MRPS24: variants seen among roughly 807,000 people sequenced by gnomAD.
The protein encoded by MRPS24 is small ribosomal subunit protein uS3m.
Under a neutral mutation model 21.8 loss-of-function variants are expected in MRPS24, and 15 were observed. That is an observed-to-expected ratio of 0.69 (90% CI 0.46 to 1.06). The LOEUF (loss-of-function observed/expected upper bound fraction) is 1.06. Among genes scored for constraint, MRPS24 ranks in the 50% least tolerant of loss-of-function variants. MRPS24 has a pLI of 0.00. For missense variants in MRPS24, 224 were observed against 219.1 expected (o/e 1.02, Z -0.14); for synonymous variants, 93 against 93.7 (o/e 0.99, Z 0.04).
chr7:43,869,439 C>T lies in MRPS24; in HGVS notation c.39+18G>A, dbSNP rs1443471179. 6.4e-7 allele frequency: 1 copy of T among 1,557,824 alleles called. No homozygotes were observed. Among genetic ancestry groups the T allele is most frequent in the Non-Finnish European group, 8.7e-7 (1 of 1,151,634 alleles). ...CCCACCTCCGACTCGCAGGGACCTG[C>T]CGAGTCGCCCCACTCACCCGTGGCC... On this transcript the variant is annotated intron_variant, in intron 1 of 3. Transcript: ENST00000317534. This position sits in a 1 kb window ranked among gnomAD's most constrained non-coding sequence, Gnocchi z 4.8.
At position 43,866,585 on chromosome 7, in the gene MRPS24, AG is replaced by A; in HGVS notation, c.*113del. ...AGATAGAAGGTCTTTATTCAATAGC[AG>A]ATGAGAGACTATGCCTCAGTCCTCT... On this transcript the variant is annotated 3_prime_UTR_variant, in exon 4 of 4. Transcript: ENST00000317534. 1.7e-6 allele frequency: 2 copies of A among 1,179,642 alleles called. No individual in the cohort carries two copies. Among genetic ancestry groups the A allele is most frequent in the African/African-American group, 3.1e-5 (2 of 65,564 alleles). 73.1% of individuals were successfully genotyped at this position (1,179,642 alleles called of 1,614,324 possible).
rs2095836937 is a variant in MRPS24 at position 43,866,993 on chromosome 7, A to C, written c.221-11T>G. Reference sequence around the variant, plus strand: ...CTCCATCCAGGTTACCTGAAGAGGGAAGGGCATAATAGAAGAATCAGCCTC... The same window carrying C: ...CTCCATCCAGGTTACCTGAAGAGGGCAGGGCATAATAGAAGAATCAGCCTC... On this transcript the variant is annotated splice_polypyrimidine_tract_variant and intron_variant, in intron 3 of 3. Coordinates refer to ENST00000317534, the MANE Select transcript of MRPS24 (RefSeq NM_032014.3). 11 of 1,613,414 alleles carry C rather than the reference A, an allele frequency of 6.8e-6. No individual in the cohort carries two copies. Among genetic ancestry groups the C allele is most frequent in the Non-Finnish European group, 9.3e-6 (11 of 1,179,570 alleles).
chr7:43,868,838 T>G (rs2132633573), intron 3 of MRPS24, 125 bp downstream of exon 3: 1 of 1,207,100 alleles, frequency 8.3e-7, no homozygotes, highest in Middle Eastern at 2.0e-4. Flanking sequence ...CTCCCTTGAG[T>G]TGGTTTCATA....
In MRPS24 at chr7:43,866,888, A is replaced by C. The variant is rs1199265656; in HGVS notation, c.315T>G (p.Ala105=). ...CCCGGCGCTTTAAAACCAGCTGGTC[A>C]GCCAGGCAGCCTGGGAAGGTACCCC... is the stretch of plus-strand genomic sequence containing the variant. ...FMWGTFPGCL[A]DQLVLKRRGN... Residue 105 remains alanine (A), a synonymous_variant, in exon 4 of 4, where the codon GCT becomes GCG. Coordinates refer to ENST00000317534, the MANE Select transcript of MRPS24 (RefSeq NM_032014.3). 6.2e-7 allele frequency: 1 copy of C among 1,614,120 alleles called. No homozygotes were observed. Among genetic ancestry groups the C allele is most frequent in the Non-Finnish European group, 8.5e-7 (1 of 1,180,044 alleles).
intron 3 of MRPS24, chr7:43,868,753 GAAA>G: frequency 1.8e-6 from 1 of 550,602 alleles, no homozygotes; most frequent in Non-Finnish European, 3.0e-6. Flanking sequence ...GCCTGCCATG[GAAA>G]AAGTCAGTTT....
At position 43,869,215 on chromosome 7, in the gene MRPS24, C is replaced by G; in HGVS notation, c.108+93G>C. ...CCCCGACCCTAGCCCCGCCTCGGAC[C>G]CCAGCGACACGCCCCCTTCAGCCCG... On this transcript the variant is annotated intron_variant, in intron 2 of 3. Transcript: ENST00000317534. The surrounding 1 kb of genome is among the most constrained non-coding windows in gnomAD (Gnocchi z 4.8). 3 of 1,471,876 alleles carry G rather than the reference C, an allele frequency of 2.0e-6. No homozygotes were observed. Among genetic ancestry groups the G allele is most frequent in the Non-Finnish European group, 2.7e-6 (3 of 1,116,872 alleles). The allele number at this position is 1,471,876 out of a possible 1,614,324, so 91.2% of individuals were successfully genotyped here.
rs370998123 is a variant in MRPS24, at chr7:43,866,990, G to C, written c.221-8C>G. ...CCTCTCCATCCAGGTTACCTGAAGAGGGAAGGGCATAATAGAAGAATCAGC... is the reference window on the plus strand; with the variant it reads ...CCTCTCCATCCAGGTTACCTGAAGACGGAAGGGCATAATAGAAGAATCAGC... On this transcript the variant is annotated splice_region_variant and splice_polypyrimidine_tract_variant and intron_variant, in intron 3 of 3. Transcript: ENST00000317534. 106 of 1,613,464 alleles carry C rather than the reference G, an allele frequency of 6.6e-5. No homozygotes were observed. The African/African-American group carries it at 1.2e-3, about 18-fold the overall frequency.
In MRPS24 at chr7:43,869,189, G is replaced by A. The variant is rs1473949323; in HGVS notation, c.109-115C>T. 13 of 1,472,000 alleles carry A rather than the reference G, an allele frequency of 8.8e-6. No individual in the cohort carries two copies. The highest frequency in any genetic ancestry group is 1.4e-5 in the African/African-American group (1 of 71,288). 91.2% of individuals were successfully genotyped at this position (1,472,000 alleles called of 1,614,324 possible). A position where few individuals can be genotyped will look rare whatever the true frequency, so the allele number is the denominator to read the frequency against. On this transcript the variant is annotated intron_variant, in intron 2 of 3. Coordinates refer to ENST00000317534, the MANE Select transcript of MRPS24 (RefSeq NM_032014.3). This position sits in a 1 kb window ranked among gnomAD's most constrained non-coding sequence, Gnocchi z 4.8. Reference sequence around the variant, plus strand: ...CCGGCCCCAATCCCCTGATCCCTAAGCCCCGACCCTAGCCCCGCCTCGGAC... The same window carrying A: ...CCGGCCCCAATCCCCTGATCCCTAAACCCCGACCCTAGCCCCGCCTCGGAC...
At position 43,869,248 on chromosome 7, in the gene MRPS24, T is replaced by TCCCGGC; in HGVS notation, c.108+59_108+60insGCCGGG. 3 of 1,489,436 alleles carry TCCCGGC rather than the reference T, an allele frequency of 2.0e-6. No individual in the cohort carries two copies. In the Middle Eastern group the frequency reaches 7.2e-4, roughly 359 times the overall value. 92.3% of individuals were successfully genotyped at this position (1,489,436 alleles called of 1,614,324 possible). A position where few individuals can be genotyped will look rare whatever the true frequency, so the allele number is the denominator to read the frequency against. ...CACGCCCCCTTCAGCCCGCACGGCT[T>TCCCGGC]CCCCGGCCCCCGGCCCCCCGGCCCC... On this transcript the variant is annotated intron_variant, in intron 2 of 3. Coordinates refer to ENST00000317534, the MANE Select transcript of MRPS24 (RefSeq NM_032014.3). This position sits in a 1 kb window ranked among gnomAD's most constrained non-coding sequence, Gnocchi z 4.8.
chr7:43,869,093 G>T lies in MRPS24; in HGVS notation c.109-19C>A, dbSNP rs748207995. 2 of 1,606,884 alleles carry T rather than the reference G, an allele frequency of 1.2e-6. No homozygotes were observed. The highest frequency in any genetic ancestry group is 2.2e-5 in the South Asian group (2 of 90,896). On this transcript the variant is annotated intron_variant, in intron 2 of 3. Transcript: ENST00000317534. This position sits in a 1 kb window ranked among gnomAD's most constrained non-coding sequence, Gnocchi z 4.8. ...CCCGGTTCTAGGAGCAAAAGGGGCC[G>T]TGACTCCACGAGATCCCCGATCCAG...
chr7:43,867,382 C>A (rs2095837181), intron 3 of MRPS24, among the ~76,000 whole-genome samples: 2 of 152,054 alleles, frequency 1.3e-5, no homozygotes, highest in Non-Finnish European at 2.9e-5. Context: ...TGAGCTAGGC[C>A]CAGGGCTTCC....
chr7:43,866,723 T>G lies in MRPS24; in HGVS notation c.480A>C (p.Ser160=), dbSNP rs1295919106. The G allele has an allele frequency of 6.2e-7, 1 of 1,614,212 alleles. No individual in the cohort carries two copies. Among genetic ancestry groups the G allele is most frequent in the South Asian group, 1.1e-5 (1 of 91,086 alleles). ...PVRLHLQTVP[S]KVVYKYL Reference sequence around the variant, plus strand: ...TCTAGAGGTACTTATACACAACCTTTGAGGGCACAGTTTGGAGGTGGAGTC... The same window carrying G: ...TCTAGAGGTACTTATACACAACCTTGGAGGGCACAGTTTGGAGGTGGAGTC... The change falls in exon 4 of 4, where the codon TCA becomes TCC. Residue 160 remains serine, a synonymous_variant. Transcript: ENST00000317534.
chr7:43,867,703 G>GT (rs2132632575), intron 3 of MRPS24: 1 of 151,880 alleles, frequency 6.6e-6, no homozygotes, highest in African/African-American at 2.4e-5. Context: ...TAATTTTTTT[G>GT]TATTTTTAGT....
In MRPS24 at chr7:43,866,849, C is replaced by CTCCA; in HGVS notation, c.350_353dup (p.Glu118AspfsTer24). 5 of 1,614,248 alleles carry CTCCA rather than the reference C, an allele frequency of 3.1e-6. No homozygotes were observed. Among genetic ancestry groups the CTCCA allele is most frequent in the Non-Finnish European group, 4.2e-6 (5 of 1,180,040 alleles). On this transcript the variant is annotated frameshift_variant, in exon 4 of 4. Transcript: ENST00000317534. LOFTEE classifies it high-confidence loss of function. ...ACTGCCTCAGGACCACGGCACAGAT[C>CTCCA]TCCAACTGGTTACCCCGGCGCTTTA...
At position 43,869,478 on chromosome 7, in the gene MRPS24, G is replaced by C. The variant is rs974079542; in HGVS notation, c.18C>G (p.Cys6Trp). MAASV[C>W]SGLLGPRVLS... ...TCACCCGTGGCCCCAGCAACCCGCTGCACACGGAGGCCGCCATCTTGGGCC... is the reference window on the plus strand; with the variant it reads ...TCACCCGTGGCCCCAGCAACCCGCTCCACACGGAGGCCGCCATCTTGGGCC... The change falls in exon 1 of 4, where the codon TGC (cysteine) becomes TGG (tryptophan). Residue 6 changes from cysteine (C) to tryptophan (W), a missense_variant. Coordinates refer to ENST00000317534, the MANE Select transcript of MRPS24 (RefSeq NM_032014.3). This position sits in a 1 kb window ranked among gnomAD's most constrained non-coding sequence, Gnocchi z 4.8. 7 of 1,569,606 alleles carry C rather than the reference G, an allele frequency of 4.5e-6. No homozygotes were observed. Among genetic ancestry groups the C allele is most frequent in the Non-Finnish European group, 6.0e-6 (7 of 1,158,810 alleles).
In MRPS24 at chr7:43,869,291, G is replaced by T. The variant is rs948806160; in HGVS notation, c.108+17C>A. The stretch of plus-strand genomic sequence containing the variant: ...CCGGCCCCCAGGCCCCCAGGCCCCT[G>T]CCCCGGCGGTGCTCACCTTGGCGCA... On this transcript the variant is annotated intron_variant, in intron 2 of 3. Coordinates refer to ENST00000317534, the MANE Select transcript of MRPS24 (RefSeq NM_032014.3). This position sits in a 1 kb window ranked among gnomAD's most constrained non-coding sequence, Gnocchi z 4.8. The T allele has an allele frequency of 1.3e-6, 2 of 1,499,294 alleles. No homozygotes were observed. The highest frequency in any genetic ancestry group is 2.1e-5 in the Admixed American group (1 of 48,612). The allele number at this position is 1,499,294 out of a possible 1,614,324, so 92.9% of individuals were successfully genotyped here. A position where few individuals can be genotyped will look rare whatever the true frequency, so the allele number is the denominator to read the frequency against.
rs766597095 is a variant in MRPS24 at position 43,866,881 on chromosome 7, G to A, written c.322C>T (p.Leu108=). ...GTFPGCLADQ[L]VLKRRGNQLE... ...TGGTTACCCCGGCGCTTTAAAACCA[G>A]CTGGTCAGCCAGGCAGCCTGGGAAG... The change falls in exon 4 of 4, where the codon CTG becomes TTG. Residue 108 remains leucine, a synonymous_variant. Coordinates refer to ENST00000317534, the MANE Select transcript of MRPS24 (RefSeq NM_032014.3). 6.2e-7 allele frequency: 1 copy of A among 1,614,216 alleles called. No individual in the cohort carries two copies. Among genetic ancestry groups the A allele is most frequent in the Admixed American group, 1.7e-5 (1 of 60,032 alleles).
At chr7:43,867,255 C>G (rs933009554) in intron 3 of MRPS24, among the ~76,000 whole-genome samples, 44 of 152,188 alleles carry the variant, frequency 2.9e-4, no homozygotes, top group African/African-American at 1.0e-3. Flanking sequence ...GTACAAAACT[C>G]AAGATGATGC....
Position 43,866,910 on chromosome 7 carries a change from CCCCACATGAACTTGCGAAGGAAAACAT to C in MRPS24, c.266_292del (p.Asp89_Trp97del). 1 of 1,614,180 alleles carries C rather than the reference CCCCACATGAACTTGCGAAGGAAAACAT, an allele frequency of 6.2e-7. No homozygotes were observed. The highest frequency in any genetic ancestry group is 8.5e-7 in the Non-Finnish European group (1 of 1,180,018). ...GTCAGCCAGGCAGCCTGGGAAGGTA[CCCCACATGAACTTGCGAAGGAAAACAT>C]CCTCCACCGTTCGCTCTGCGGCATG... On this transcript the variant is annotated inframe_deletion, in exon 4 of 4. Coordinates refer to ENST00000317534, the MANE Select transcript of MRPS24 (RefSeq NM_032014.3).
Sources: gnomAD v4.1 joint callset for allele counts (sites outside exome capture counted in the v4.1 genomes callset) on GRCh38, gnomAD v4.1.1 for gene constraint, Gnocchi (gnomAD v3.1) non-coding constraint, MANE v1.5 for transcripts, NCBI Gene and HGNC (gene_info 2026-07-23, HGNC 2026-07-21) for gene names.